Variants in FGGY observed in about 807,000 individuals in gnomAD.
The protein encoded by FGGY is FGGY carbohydrate kinase domain containing.
Under a neutral mutation model 71.3 loss-of-function variants are expected in FGGY, and 72 were observed. The ratio of observed to expected loss-of-function variants is 1.01; its 90% confidence interval spans 0.84 to 1.23. FGGY has a LOEUF of 1.23. Among genes scored for constraint, FGGY ranks in the 50% most tolerant of loss-of-function variants. The pLI, the probability that FGGY is intolerant of heterozygous loss-of-function variation, is 0.00. For synonymous variants in FGGY, 251 were observed against 250.3 expected (o/e 1.00, Z -0.02); for missense variants, 668 against 682.3 (o/e 0.98, Z 0.23).
At chr1:59,391,964 A>G (rs1451388479) in intron 5 of FGGY, among the ~76,000 whole-genome samples, 1 of 152,098 alleles carries the variant, frequency 6.6e-6, no homozygotes, top group African/African-American at 2.4e-5. Context: ...AGAGAGTTAG[A>G]TCTCGTGTTT....
At chr1:59,339,738 C>T (rs2050284977) in intron 2 of FGGY, among the ~76,000 whole-genome samples, 1 of 152,110 alleles carries the variant, frequency 6.6e-6, no homozygotes, top group Non-Finnish European at 1.5e-5. Flanking sequence ...GCTGGGATTA[C>T]AGGTGTGAGC....
At chr1:59,725,449 A>G (rs2097934814) in intron 14 of FGGY, among the ~76,000 whole-genome samples, 1 of 152,144 alleles carries the variant, frequency 6.6e-6, no homozygotes, top group African/African-American at 2.4e-5. Flanking sequence ...TATGTTGACT[A>G]ATGTAGATCT....
In FGGY at chr1:59,485,330, G is replaced by T. The variant is rs76641088; in HGVS notation, c.671-26981G>T. Among the ~76,000 whole-genome samples the T allele has an allele frequency of 2.8e-3, 431 of 152,302 alleles. 1 individual carries two copies. The highest frequency in any genetic ancestry group is 1.0e-2 in the African/African-American group (414 of 41,556). ...GTTCATCTAAGTTTTGGCCAATGAGGTATAAGCAGATGTGTCCTGTGGGAT... is the reference window on the plus strand; with the variant it reads ...GTTCATCTAAGTTTTGGCCAATGAGTTATAAGCAGATGTGTCCTGTGGGAT... On this transcript the variant is annotated intron_variant, in intron 6 of 15. Coordinates refer to ENST00000303721, the MANE Select transcript of FGGY (RefSeq NM_018291.5).
intron 8 of FGGY, among the ~76,000 whole-genome samples, chr1:59,562,977 A>C (rs151246319): frequency 1.3e-3 from 192 of 152,352 alleles, no homozygotes; most frequent in African/African-American, 4.4e-3. Context: ...AGTTGCTTAT[A>C]CACCTAAGGA....
intron 1 of FGGY, among the ~76,000 whole-genome samples, chr1:59,297,425 G>A (rs920412333): frequency 3.9e-5 from 6 of 152,220 alleles, no homozygotes; most frequent in Admixed American, 3.9e-4. Context: ...TAATGTTTGA[G>A]GCACAGCTGA....
chr1:59,431,452 A>G (rs1247106424), intron 5 of FGGY, among the ~76,000 whole-genome samples: 1 of 152,032 alleles, frequency 6.6e-6, no homozygotes, highest in Non-Finnish European at 1.5e-5. Context: ...CCCTTTCTTA[A>G]TTGGCCTGTA....
intron 9 of FGGY, among the ~76,000 whole-genome samples, chr1:59,612,300 G>C (rs900514203): frequency 6.6e-6 from 1 of 152,126 alleles, no homozygotes; most frequent in Admixed American, 6.5e-5. Context: ...CTGATCTCTC[G>C]GCAGAAACTC....
intron 5 of FGGY, among the ~76,000 whole-genome samples, chr1:59,434,051 C>T (rs952059075): frequency 6.6e-6 from 1 of 152,206 alleles, no homozygotes; most frequent in Non-Finnish European, 1.5e-5. Flanking sequence ...ACCTACCTGT[C>T]CTGTCTACCT....
intron 11 of FGGY, among the ~76,000 whole-genome samples, chr1:59,656,499 C>T (rs2097219411): frequency 6.6e-6 from 1 of 152,184 alleles, no homozygotes; most frequent in Non-Finnish European, 1.5e-5. Context: ...GCTGAGGTCC[C>T]TGGTATTTGA....
At chr1:59,614,183 G>C (rs372827205) in intron 9 of FGGY, among the ~76,000 whole-genome samples, 1 of 152,302 alleles carries the variant, frequency 6.6e-6, no homozygotes, top group Non-Finnish European at 1.5e-5. Context: ...AAGCCTGGCA[G>C]AGACACAACT....
chr1:59,718,526 A>G (rs952700097), intron 14 of FGGY, among the ~76,000 whole-genome samples: 4 of 152,148 alleles, frequency 2.6e-5, no homozygotes, highest in Admixed American at 6.5e-5. Flanking sequence ...GTTAAACACA[A>G]CTTGTTCCAG....
intron 5 of FGGY, among the ~76,000 whole-genome samples, chr1:59,437,000 G>A (rs917452666): frequency 6.6e-6 from 1 of 152,186 alleles, no homozygotes. Context: ...AATTAGAGCA[G>A]AGGAGGAACT....
chr1:59,446,043 C>A (rs1037093383), intron 5 of FGGY, among the ~76,000 whole-genome samples: 1 of 152,148 alleles, frequency 6.6e-6, no homozygotes, highest in African/African-American at 2.4e-5. Context: ...TATTCAGTAA[C>A]CCACATAAAA....
At chr1:59,425,618 T>C (rs10493264) in intron 5 of FGGY, among the ~76,000 whole-genome samples, 51,537 of 152,176 alleles carry the variant, frequency 0.34, 9,396 homozygotes, top group Middle Eastern at 0.49. Flanking sequence ...CTATAGACAT[T>C]GGAGTTAAAG....
intron 7 of FGGY, among the ~76,000 whole-genome samples, chr1:59,514,039 C>T (rs1040636019): frequency 1.3e-5 from 2 of 152,164 alleles, no homozygotes; most frequent in African/African-American, 4.8e-5. Context: ...TTGTTTCTCT[C>T]CAAATACTTT....
At chr1:59,591,566 G>T (rs570047601) in intron 8 of FGGY, among the ~76,000 whole-genome samples, 1 of 152,154 alleles carries the variant, frequency 6.6e-6, no homozygotes, top group Non-Finnish European at 1.5e-5. Flanking sequence ...AACCAAAAGA[G>T]CATGGTACTG....
chr1:59,586,563 C>G (rs896332951), intron 8 of FGGY, among the ~76,000 whole-genome samples: 48 of 151,966 alleles, frequency 3.2e-4, no homozygotes, highest in African/African-American at 1.1e-3. Context: ...TGTTAAATGA[C>G]GAGTTAATGG....
At chr1:59,606,448 C>A (rs917446978) in intron 8 of FGGY, among the ~76,000 whole-genome samples, 1 of 152,166 alleles carries the variant, frequency 6.6e-6, no homozygotes, top group Admixed American at 6.5e-5. Context: ...GCTCACCTTA[C>A]GGCAGTTACA....
chr1:59,599,662 T>G (rs1409712245), intron 8 of FGGY, among the ~76,000 whole-genome samples: 1 of 135,656 alleles, frequency 7.4e-6, no homozygotes, highest in Non-Finnish European at 1.5e-5. Context: ...CCACTTCACT[T>G]CAGCTGGGGG....
Sources: allele counts gnomAD v4.1 joint callset (sites outside exome capture counted in the v4.1 genomes callset), GRCh38; gene constraint gnomAD v4.1.1; transcripts MANE v1.5; gene names NCBI Gene and HGNC (gene_info 2026-07-23, HGNC 2026-07-21).